Variants in PCDH11X observed in about 807,000 individuals in gnomAD.
PCDH11X encodes protocadherin 11 X-linked.
PCDH11X carries 18 observed loss-of-function variants against 53.3 expected under a neutral mutation model. The observed-to-expected ratio is 0.34, with a 90% CI of 0.23 to 0.50. The LOEUF (loss-of-function observed/expected upper bound fraction) is 0.50. Among genes scored for constraint, PCDH11X ranks in the 20% least tolerant of loss-of-function variants. PCDH11X has a pLI of 0.98. For synonymous variants in PCDH11X, 279 were observed against 393.3 expected, an observed-to-expected ratio of 0.71 and a Z score of 3.44; for missense variants, 570 against 1,032.4, an observed-to-expected ratio of 0.55 and a Z score of 6.14.
At chrX:91,909,198 T>G (rs1941292942) in intron 6 of PCDH11X, among the ~76,000 whole-genome samples, 1 of 111,543 alleles carries the variant, frequency 9.0e-6, no homozygotes, top group South Asian at 3.7e-4. Context: ...AGTCAAAATT[T>G]GATTGCTCTC....
At chrX:92,171,139 C>CTAGAAGCCCTTTCTTA (rs1224339411) in intron 6 of PCDH11X, among the ~76,000 whole-genome samples, 1 of 102,826 alleles carries the variant, frequency 9.7e-6, no homozygotes, top group African/African-American at 3.5e-5. Context: ...TCTTTGTGTT[C>CTAGAAGCCCTTTCTTA]TAGAAGCCCT....
chrX:92,457,501 A>G (rs2072931477), intron 9 of PCDH11X, among the ~76,000 whole-genome samples: 1 of 109,329 alleles, frequency 9.1e-6, no homozygotes, highest in Admixed American at 9.8e-5. Context: ...CCATGCTAAT[A>G]TCACATGTGA....
intron 7 of PCDH11X, among the ~76,000 whole-genome samples, chrX:92,262,127 G>A (rs767776267): frequency 5.5e-5 from 6 of 108,953 alleles, no homozygotes; most frequent in Admixed American, 4.9e-4. Flanking sequence ...CTGGGAATAA[G>A]CCACTGGATA....
intron 4 of PCDH11X, 109 bp from the exon 5 acceptor site, chrX:91,835,352 T>C: frequency 4.2e-6 from 5 of 1,190,666 alleles, no homozygotes; most frequent in Non-Finnish European, 4.6e-6. Context: ...TATGCTAACA[T>C]CTCATTTACT....
At chrX:92,094,857 C>G (rs1055656806) in intron 6 of PCDH11X, among the ~76,000 whole-genome samples, 10 of 111,764 alleles carry the variant, frequency 8.9e-5, no homozygotes, top group Non-Finnish European at 1.5e-4. Context: ...TTTCTAATAT[C>G]TAGAGGTTTA....
Position 91,988,227 on chromosome X carries a change from T to C in PCDH11X, c.3033+108954T>C, listed in dbSNP as rs774770990. Among the ~76,000 whole-genome samples, 3 of 110,460 alleles carry C rather than the reference T, an allele frequency of 2.7e-5. No homozygotes were observed. In the East Asian group the frequency reaches 8.6e-4, roughly 31 times the overall value. On this transcript the variant is annotated intron_variant, in intron 6 of 10. Coordinates refer to ENST00000682573, the MANE Select transcript of PCDH11X (RefSeq NM_032968.5). ...TCTCCTATTCTGTCTCTCCTTTTTC[T>C]TTCCCTTCTTTCCATTCCTCTCTTT...
At chrX:92,578,943 G>A (rs1489088067) in intron 10 of PCDH11X, among the ~76,000 whole-genome samples, 1 of 111,370 alleles carries the variant, frequency 9.0e-6, no homozygotes, top group Non-Finnish European at 1.9e-5. Flanking sequence ...GAGACCTAAT[G>A]GTGATGAATT....
chrX:91,907,408 C>CAGAG (rs1361235635), intron 6 of PCDH11X, among the ~76,000 whole-genome samples: 194 of 65,898 alleles, frequency 2.9e-3, no homozygotes, highest in African/African-American at 0.011. Flanking sequence ...CACACACACA[C>CAGAG]ACACAGAGAG....
At chrX:92,211,242 C>A (rs746558812) in intron 7 of PCDH11X, among the ~76,000 whole-genome samples, 3 of 111,466 alleles carry the variant, frequency 2.7e-5, no homozygotes, top group Admixed American at 1.9e-4. Context: ...AGAAAGTGAA[C>A]GAGAAGCCAG....
chrX:92,469,299 G>A (rs373143997), intron 10 of PCDH11X, among the ~76,000 whole-genome samples: 128 of 110,129 alleles, frequency 1.2e-3, no homozygotes, highest in African/African-American at 4.0e-3. Flanking sequence ...AATGTAAAAT[G>A]TTGCTTTTGA....
intron 10 of PCDH11X, among the ~76,000 whole-genome samples, chrX:92,546,395 C>T (rs1429047842): frequency 1.8e-5 from 2 of 111,512 alleles, no homozygotes; most frequent in Non-Finnish European, 3.8e-5. Flanking sequence ...TATCTTCCAT[C>T]GACATACATG....
In PCDH11X at chrX:91,871,243, T is replaced by C. The variant is rs1939289835; in HGVS notation, c.541-5538T>C. On this transcript the variant is annotated intron_variant, in intron 5 of 10. Coordinates refer to ENST00000682573, the MANE Select transcript of PCDH11X (RefSeq NM_032968.5). ...TCCTTAATGTTTTCTAAAACAGCCA[T>C]GTTATTGTAGTGTTATCCATTTGAA... is the stretch of plus-strand genomic sequence containing the variant. 2.7e-5 allele frequency among the ~76,000 whole-genome samples: 3 copies of C among 110,531 alleles called. No homozygotes were observed. The South Asian group carries it at 1.1e-3, about 42-fold the overall frequency.
At chrX:92,396,842 C>A (rs1253076745) in intron 9 of PCDH11X, among the ~76,000 whole-genome samples, 3 of 23,232 alleles carry the variant, frequency 1.3e-4, no homozygotes, top group African/African-American at 1.8e-4. Context: ...GGGACTCTGT[C>A]TCAAAAAAAA....
intron 6 of PCDH11X, among the ~76,000 whole-genome samples, chrX:91,916,645 CCAA>C (rs1391448126): frequency 1.8e-5 from 2 of 109,622 alleles, no homozygotes; most frequent in African/African-American, 6.6e-5. Context: ...TCTGGACAGA[CCAA>C]CAACAAGTAG....
intron 9 of PCDH11X, among the ~76,000 whole-genome samples, chrX:92,408,888 T>C (rs1347056783): frequency 9.4e-6 from 1 of 106,055 alleles, no homozygotes; most frequent in Non-Finnish European, 1.9e-5. Flanking sequence ...AGCCAAGAAA[T>C]AGTATTTTTT....
intron 5 of PCDH11X, among the ~76,000 whole-genome samples, chrX:91,857,104 G>A (rs1350053216): frequency 3.6e-5 from 4 of 111,404 alleles, no homozygotes; most frequent in Non-Finnish European, 5.6e-5. Context: ...ACAGTTCCAC[G>A]TGGCTGGAGA....
At chrX:92,269,809 T>A (rs1049629932) in intron 8 of PCDH11X, among the ~76,000 whole-genome samples, 1 of 111,796 alleles carries the variant, frequency 8.9e-6, no homozygotes, top group Non-Finnish European at 1.9e-5. Context: ...TCCCCGCTAT[T>A]AACTACATTT....
chrX:91,859,716 C>A (rs1315362749), intron 5 of PCDH11X, among the ~76,000 whole-genome samples: 2 of 100,483 alleles, frequency 2.0e-5, no homozygotes, highest in African/African-American at 7.7e-5. Context: ...AAAAAAGGAA[C>A]CCTTTCCCCA....
chrX:92,158,371 G>A (rs2065576876), intron 6 of PCDH11X, among the ~76,000 whole-genome samples: 1 of 110,162 alleles, frequency 9.1e-6, no homozygotes, highest in African/African-American at 3.3e-5. Context: ...TTAGCTGGGT[G>A]TGGTGGTGCA....
Sources: allele counts gnomAD v4.1 joint callset (sites outside exome capture counted in the v4.1 genomes callset), GRCh38; gene constraint gnomAD v4.1.1; transcripts MANE v1.5; gene names NCBI Gene and HGNC (gene_info 2026-07-23, HGNC 2026-07-21).